Variants in OSTN observed in about 807,000 individuals in gnomAD.
The protein encoded by OSTN is osteocrin.
OSTN carries 9 observed loss-of-function variants against 12.0 expected under a neutral mutation model. The ratio of observed to expected loss-of-function variants is 0.75; its 90% CI spans 0.45 to 1.30. OSTN has a LOEUF of 1.30. OSTN is among the 50% of genes most tolerant of loss of function. The pLI is 0.00. For missense variants in OSTN, 148 were observed against 152.3 expected, an observed-to-expected ratio of 0.97 and a Z score of 0.15; for synonymous variants, 59 against 56.9, an observed-to-expected ratio of 1.04 and a Z score of -0.16.
intron 4 of OSTN, among the ~76,000 whole-genome samples, chr3:191,258,290 C>T (rs1376246258): frequency 6.6e-6 from 1 of 152,156 alleles, no homozygotes; most frequent in Non-Finnish European, 1.5e-5. Context: ...AAGTGGACCA[C>T]TGAGGTCAGG....
At chr3:191,204,214 G>A (rs961547316) in intron 1 of OSTN, among the ~76,000 whole-genome samples, 4 of 151,968 alleles carry the variant, frequency 2.6e-5, no homozygotes, top group Non-Finnish European at 1.5e-5. Context: ...TTTTTAACGG[G>A]AAATGTTAAA....
intron 3 of OSTN, among the ~76,000 whole-genome samples, chr3:191,242,796 T>C (rs1410089977): frequency 6.6e-6 from 1 of 152,172 alleles, no homozygotes; most frequent in Non-Finnish European, 1.5e-5. Flanking sequence ...GTAGAGGTGA[T>C]TTATTACATG....
At chr3:191,209,284 T>C (rs1714360990) in intron 1 of OSTN, among the ~76,000 whole-genome samples, 1 of 152,218 alleles carries the variant, frequency 6.6e-6, no homozygotes, top group Non-Finnish European at 1.5e-5. Flanking sequence ...AGAAAAAGAA[T>C]ACAATTAAGT....
intron 3 of OSTN, among the ~76,000 whole-genome samples, chr3:191,237,539 G>C (rs1028833677): frequency 1.3e-5 from 2 of 152,188 alleles, no homozygotes; most frequent in Non-Finnish European, 2.9e-5. Flanking sequence ...TGCCCCATTT[G>C]ACCTTGGCCT....
rs770805405 is a variant in OSTN, at chr3:191,209,827, A to G, written c.1-2706A>G. Among the ~76,000 whole-genome samples the G allele has an allele frequency of 4.5e-4, 69 of 151,700 alleles. 1 individual carries two copies. Among genetic ancestry groups the G allele is most frequent in the Non-Finnish European group, 1.2e-4 (8 of 67,914 alleles). On this transcript the variant is annotated intron_variant, in intron 1 of 4. Coordinates refer to ENST00000682035, the MANE Select transcript of OSTN (RefSeq NM_198184.2). ...TGGGCCAAAGTTTTATTTTTTTTCC[A>G]TTTCTTGCGTTTGAAATACTCTTTG...
chr3:191,245,394 T>A (rs1460142278), intron 3 of OSTN, among the ~76,000 whole-genome samples: 2 of 152,188 alleles, frequency 1.3e-5, no homozygotes, highest in African/African-American at 2.4e-5. Context: ...AAGATAGGCA[T>A]AGCAATTATT....
At chr3:191,224,126 C>G (rs1178394525) in intron 3 of OSTN, among the ~76,000 whole-genome samples, 1 of 151,956 alleles carries the variant, frequency 6.6e-6, no homozygotes, top group Admixed American at 6.6e-5. Flanking sequence ...GCCTGTAATC[C>G]CAGCACTTTG....
At chr3:191,232,137 C>T (rs1715072217) in intron 3 of OSTN, among the ~76,000 whole-genome samples, 6 of 151,686 alleles carry the variant, frequency 4.0e-5, no homozygotes. Context: ...TCGTGACCAG[C>T]CTGGCCAACG....
chr3:191,257,996 C>T (rs1715708444), intron 4 of OSTN, among the ~76,000 whole-genome samples: 1 of 152,078 alleles, frequency 6.6e-6, no homozygotes, highest in Non-Finnish European at 1.5e-5. Flanking sequence ...GAATTTTAGC[C>T]ATAAGACAGG....
chr3:191,200,856 T>C (rs1714137186), intron 1 of OSTN, among the ~76,000 whole-genome samples: 1 of 152,180 alleles, frequency 6.6e-6, no homozygotes, highest in Non-Finnish European at 1.5e-5. Context: ...TTAGATTCAA[T>C]AGTTCAGTCA....
intron 1 of OSTN, among the ~76,000 whole-genome samples, chr3:191,209,084 G>C (rs1004429117): frequency 1.3e-5 from 2 of 152,164 alleles, no homozygotes; most frequent in African/African-American, 4.8e-5. Context: ...GCTTAAACCT[G>C]GGAGGCAGAG....
intron 4 of OSTN, among the ~76,000 whole-genome samples, chr3:191,258,408 T>C (rs1472595526): frequency 2.0e-5 from 3 of 151,960 alleles, no homozygotes; most frequent in Admixed American, 6.6e-5. Context: ...CATTTAGATG[T>C]TTAAAAAGCA....
chr3:191,230,361 C>T (rs1034173237), intron 3 of OSTN, among the ~76,000 whole-genome samples: 8 of 151,214 alleles, frequency 5.3e-5, no homozygotes, highest in South Asian at 2.1e-4. Flanking sequence ...GTCAGGAGAT[C>T]GAGACCATTC....
At chr3:191,207,366 A>T (rs1714301017) in intron 1 of OSTN, among the ~76,000 whole-genome samples, 1 of 146,100 alleles carries the variant, frequency 6.8e-6, no homozygotes. Context: ...GTTGAAGAGA[A>T]ATGTCCTTTA....
rs1715849924 is a variant in OSTN at position 191,263,175 on chromosome 3, A to C, written c.*322A>C. On this transcript the variant is annotated 3_prime_UTR_variant, in exon 5 of 5. Transcript: ENST00000682035. ...GAAATGCCTTCTGTATGGATTTACC[A>C]TGCACATGTTTGTAGTCAAAGAATA... 1 of 287,956 alleles carries C rather than the reference A, an allele frequency of 3.5e-6. No individual in the cohort carries two copies. The highest frequency in any genetic ancestry group is 2.2e-5 in the African/African-American group (1 of 45,940). 17.8% of individuals were successfully genotyped at this position (287,956 alleles called of 1,614,324 possible).
intron 3 of OSTN, among the ~76,000 whole-genome samples, chr3:191,221,397 T>C (rs1396376774): frequency 6.6e-6 from 1 of 151,914 alleles, no homozygotes; most frequent in Non-Finnish European, 1.5e-5. Flanking sequence ...GAAGATAGGA[T>C]AATATGGGAA....
chr3:191,223,070 T>A (rs1197397775), intron 3 of OSTN, among the ~76,000 whole-genome samples: 1 of 152,190 alleles, frequency 6.6e-6, no homozygotes, highest in East Asian at 1.9e-4. Flanking sequence ...GTCTCAGGTA[T>A]GTCCTTCATA....
At chr3:191,208,965 C>T (rs539341356) in intron 1 of OSTN, among the ~76,000 whole-genome samples, 29 of 152,256 alleles carry the variant, frequency 1.9e-4, no homozygotes, top group African/African-American at 7.0e-4. Context: ...CGAGAGCAGC[C>T]TGGTCAACAT....
intron 3 of OSTN, among the ~76,000 whole-genome samples, chr3:191,238,179 A>G (rs1027484966): frequency 6.6e-6 from 1 of 152,300 alleles, no homozygotes; most frequent in Non-Finnish European, 1.5e-5. Context: ...AAAGGGATAC[A>G]GTGTTAATCA....
Sources: allele counts gnomAD v4.1 joint callset (sites outside exome capture counted in the v4.1 genomes callset), GRCh38; gene constraint gnomAD v4.1.1; transcripts MANE v1.5; gene names NCBI Gene and HGNC (gene_info 2026-07-23, HGNC 2026-07-21).